KCNT1: variants seen among roughly 807,000 people sequenced by gnomAD.
KCNT1 encodes potassium sodium-activated channel subfamily T member 1.
A neutral mutation model predicts 147.8 loss-of-function variants in KCNT1; 78 were observed. That is an observed-to-expected ratio of 0.53 (90% CI 0.44 to 0.64). KCNT1 has a LOEUF of 0.64. KCNT1 is among the 30% of genes least tolerant of loss of function. KCNT1 has a pLI of 0.00. For synonymous variants in KCNT1, 867 were observed against 748.8 expected (o/e 1.16, Z -2.58); for missense variants, 1,419 against 1,750.3 (o/e 0.81, Z 3.38).
intron 7 of KCNT1, 22 bp downstream of exon 7, chr9:135,756,954 C>G (rs1415539948): frequency 1.2e-6 from 2 of 1,608,216 alleles, no homozygotes; most frequent in Non-Finnish European, 8.5e-7. Context: ...CCCGGGATGG[C>G]ACCTCACAGG....
At chr9:135,727,012 A>C (rs1220723224) in intron 2 of KCNT1, among the ~76,000 whole-genome samples, 11 of 19,336 alleles carry the variant, frequency 5.7e-4, no homozygotes, top group East Asian at 1.5e-3. Context: ...TCTCTTTCCC[A>C]TTCTCCCTCT....
At position 135,792,334 on chromosome 9, in the gene KCNT1, C is replaced by G; in HGVS notation, c.*173C>G. The stretch of plus-strand genomic sequence containing the variant: ...GCCCCTCATGCGGGGGGAGGGCCAG[C>G]TCACCCCTGGGCACCTGCAGGCTAG... On this transcript the variant is annotated 3_prime_UTR_variant, in exon 31 of 31. Coordinates refer to ENST00000371757, the MANE Select transcript of KCNT1 (RefSeq NM_020822.3). The G allele has an allele frequency of 1.2e-6, 1 of 800,858 alleles. No homozygotes were observed. The highest frequency in any genetic ancestry group is 1.7e-5 in the African/African-American group (1 of 57,336). 49.6% of individuals were successfully genotyped at this position (800,858 alleles called of 1,614,324 possible). A position where few individuals can be genotyped will look rare whatever the true frequency, so the allele number is the denominator to read the frequency against.
Position 135,770,929 on chromosome 9 carries a change from C to T in KCNT1, c.1842C>T (p.His614=), listed in dbSNP as rs768093699. 2 of 1,612,702 alleles carry T rather than the reference C, an allele frequency of 1.2e-6. No individual in the cohort carries two copies. Among genetic ancestry groups the T allele is most frequent in the Non-Finnish European group, 1.7e-6 (2 of 1,179,426 alleles). ...KSILLNPGPR[H]ILAASDTCFY... ...TCCTGCTGAACCCGGGGCCCCGGCA[C>T]ATCCTGGCCGCCTCTGACACCTGCT... Residue 614 remains histidine, a synonymous_variant, in exon 18 of 31, where the codon CAC becomes CAT. Transcript: ENST00000371757.
chr9:135,792,398 A>G lies in KCNT1; in HGVS notation c.*237A>G. On this transcript the variant is annotated 3_prime_UTR_variant, in exon 31 of 31. Transcript: ENST00000371757. ...TTAACCTATTTTTACACGTCGATGC[A>G]GTCCACTTCTCTTTACACAGATGTA... 4.4e-6 allele frequency: 2 copies of G among 453,784 alleles called. No individual in the cohort carries two copies. Among genetic ancestry groups the G allele is most frequent in the Non-Finnish European group, 8.1e-6 (2 of 247,646 alleles). The allele number at this position is 453,784 out of a possible 1,614,324, so 28.1% of individuals were successfully genotyped here.
At chr9:135,702,391 C>G (rs1027074172) in intron 1 of KCNT1, 23 bp downstream of exon 1, 1 of 1,574,730 alleles carries the variant, frequency 6.4e-7, no homozygotes, top group Admixed American at 1.7e-5. Flanking sequence ...GCGCCCTCCC[C>G]ACGCGGGGAG....
chr9:135,743,662 G>A (rs1453639828), intron 2 of KCNT1, among the ~76,000 whole-genome samples: 1 of 152,220 alleles, frequency 6.6e-6, no homozygotes, highest in East Asian at 1.9e-4. Context: ...GAGGAGTCGG[G>A]TCTCAGACCT....
chr9:135,777,763 CCTCCCTG>C (rs978187854), intron 21 of KCNT1, among the ~76,000 whole-genome samples: 10 of 150,378 alleles, frequency 6.6e-5, no homozygotes, highest in African/African-American at 2.4e-4. Context: ...GCTCCTGGGT[CCTCCCTG>C]CTCCCTGTTC....
chr9:135,776,267 G>GT (rs555327502), intron 20 of KCNT1, among the ~76,000 whole-genome samples: 18 of 151,756 alleles, frequency 1.2e-4, no homozygotes, highest in Admixed American at 3.9e-4. Context: ...TTGTTGTTTG[G>GT]TTTTTTTTAA....
intron 29 of KCNT1, 127 bp downstream of exon 29, chr9:135,786,648 G>A: frequency 1.0e-6 from 1 of 960,738 alleles, no homozygotes; most frequent in East Asian, 2.9e-5. Flanking sequence ...CTGTCTGTCT[G>A]TCAGCCTTTC....
rs1588286581 is a variant in KCNT1 at position 135,736,731 on chromosome 9, C to A, written c.255-13367C>A. 5.1e-5 allele frequency: 19 copies of A among 374,136 alleles called. No homozygotes were observed. The East Asian group carries it at 7.2e-4, about 14-fold the overall frequency. 23.2% of individuals were successfully genotyped at this position (374,136 alleles called of 1,614,324 possible). A position where few individuals can be genotyped will look rare whatever the true frequency, so the allele number is the denominator to read the frequency against. On this transcript the variant is annotated intron_variant, in intron 2 of 30. Transcript: ENST00000371757. ...CAGCCCCCGAGGAGCCTCACGGGCT[C>A]AGCCCGCTGCTGCCGGCCCGCGGCG... is the stretch of plus-strand genomic sequence containing the variant.
intron 17 of KCNT1, 112 bp from the exon 18 acceptor site, chr9:135,770,745 A>G: frequency 9.3e-7 from 1 of 1,076,650 alleles, no homozygotes; most frequent in South Asian, 1.6e-5. Flanking sequence ...GGCCCCCAGG[A>G]GGAAGACGCG....
At chr9:135,743,976 C>T (rs891353115) in intron 2 of KCNT1, among the ~76,000 whole-genome samples, 3 of 152,230 alleles carry the variant, frequency 2.0e-5, no homozygotes, top group African/African-American at 7.2e-5. Flanking sequence ...TGAAGCCTGC[C>T]CTTTCTTCCT....
rs774652778 is a variant in KCNT1 at position 135,770,876 on chromosome 9, G to A, written c.1789G>A (p.Gly597Arg). Residue 597 changes from glycine (G) to arginine (R), a missense_variant, in exon 18 of 31, where the codon GGG becomes AGG. Gly to Arg is a moderately radical substitution (Grantham distance 125). Transcript: ENST00000371757. Reference protein sequence around the residue: ...AHKKYGVCLIGLKREDNKSIL... With the variant: ...AHKKYGVCLIRLKREDNKSIL... ...GCCCAGGTATGGCGTGTGCCTCATC[G>A]GGCTGAAGCGGGAGGACAACAAGAG... 1.2e-5 allele frequency: 19 copies of A among 1,579,948 alleles called. No individual in the cohort carries two copies. Among genetic ancestry groups the A allele is most frequent in the Admixed American group, 1.8e-5 (1 of 54,748 alleles).
rs192353949 is a variant in KCNT1, at chr9:135,728,451, C to T, written c.254+13731C>T. Among the ~76,000 whole-genome samples the T allele has an allele frequency of 3.9e-5, 6 of 152,352 alleles. No homozygotes were observed. The East Asian group carries it at 1.2e-3, about 29-fold the overall frequency. On this transcript the variant is annotated intron_variant, in intron 2 of 30. Coordinates refer to ENST00000371757, the MANE Select transcript of KCNT1 (RefSeq NM_020822.3). ...TCCTTGGGAAGTGAGACCCCCACAG[C>T]CTCACTGCGGATGTAACAGCCACCC...
intron 2 of KCNT1, among the ~76,000 whole-genome samples, chr9:135,734,285 C>T (rs1303113525): frequency 6.6e-6 from 1 of 152,190 alleles, no homozygotes; most frequent in Non-Finnish European, 1.5e-5. Context: ...GCCTGGGGCC[C>T]CAGCCCACCT....
intron 24 of KCNT1, 139 bp from the exon 25 acceptor site, chr9:135,783,885 C>T: frequency 1.5e-6 from 1 of 671,216 alleles, no homozygotes; most frequent in Non-Finnish European, 2.7e-6. Flanking sequence ...TACACGTGGA[C>T]ACACACACCA....
rs541627238 is a variant in KCNT1, at chr9:135,776,172, T to C, written c.2349+757T>C. 6.6e-5 allele frequency among the ~76,000 whole-genome samples: 10 copies of C among 152,278 alleles called. No homozygotes were observed. The South Asian group carries it at 2.1e-3, about 32-fold the overall frequency. On this transcript the variant is annotated intron_variant, in intron 20 of 30. Coordinates refer to ENST00000371757, the MANE Select transcript of KCNT1 (RefSeq NM_020822.3). Reference sequence around the variant, plus strand: ...TTTTCCTTCTGGAGTTAGCAGCTTCTCTGTGGGGGACGTGTTGAGATCAGG... The same window carrying C: ...TTTTCCTTCTGGAGTTAGCAGCTTCCCTGTGGGGGACGTGTTGAGATCAGG...
chr9:135,782,778 G>A (rs747398518), intron 24 of KCNT1, among the ~76,000 whole-genome samples: 51 of 152,192 alleles, frequency 3.4e-4, no homozygotes, highest in Non-Finnish European at 6.0e-4. Flanking sequence ...TCGTCTCCGC[G>A]AAGTACGGCT....
Position 135,784,651 on chromosome 9 carries a change from G to A in KCNT1, c.3027+33G>A, listed in dbSNP as rs113486012. On this transcript the variant is annotated intron_variant, in intron 26 of 30. Coordinates refer to ENST00000371757, the MANE Select transcript of KCNT1 (RefSeq NM_020822.3). ...CCCCTGGCTGCGCTGGGCTGGGGGC[G>A]TGCTGGGCTGTCCAAGTGGGTGGAT... 3.6e-5 allele frequency: 58 copies of A among 1,610,284 alleles called. 1 individual carries two copies. The Middle Eastern group carries it at 1.0e-3, about 28-fold the overall frequency.
Sources: gnomAD v4.1 joint callset for allele counts (sites outside exome capture counted in the v4.1 genomes callset) on GRCh38, gnomAD v4.1.1 for gene constraint, MANE v1.5 for transcripts, NCBI Gene and HGNC (gene_info 2026-07-23, HGNC 2026-07-21) for gene names.